PCDH15: variants seen among roughly 807,000 people sequenced by gnomAD.
The protein encoded by PCDH15 is protocadherin related 15, also known as protocadherin-15.
Under a neutral mutation model 178.5 loss-of-function variants are expected in PCDH15, and 129 were observed. That is an observed-to-expected ratio of 0.72 (90% CI 0.63 to 0.84). PCDH15 has a LOEUF of 0.84. Among genes scored for constraint, PCDH15 ranks in the 40% least tolerant of loss-of-function variants. PCDH15 has a pLI of 0.00. For missense variants in PCDH15, 2,230 were observed against 2,099.9 expected (o/e 1.06, Z -1.21); for synonymous variants, 800 against 732.0 (o/e 1.09, Z -1.50).
chr10:55,459,574 T>C (rs933273509), intron 2 of PCDH15, among the ~76,000 whole-genome samples: 2 of 152,016 alleles, frequency 1.3e-5, no homozygotes, highest in Non-Finnish European at 2.9e-5. Context: ...TGGGAAGAAG[T>C]GATTGGAACA....
chr10:55,346,966 G>A (rs867618329), intron 2 of PCDH15, among the ~76,000 whole-genome samples: 2 of 152,026 alleles, frequency 1.3e-5, no homozygotes, highest in South Asian at 2.1e-4. Context: ...TGTAATCCCA[G>A]CACTTTGGGG....
In PCDH15 at chr10:54,007,230, C is replaced by A. The variant is rs1057053193; in HGVS notation, c.2752-11465G>T. ...ACTTAGTTTGTAAGGCTAGTTATCA[C>A]TCTGGATCTTTTAAAATTGTTTAGA... On this transcript the variant is annotated intron_variant, in intron 20 of 37. Transcript: ENST00000644397. Among the ~76,000 whole-genome samples, 26 of 152,176 alleles carry A rather than the reference C, an allele frequency of 1.7e-4. 1 individual carries two copies. Among genetic ancestry groups the A allele is most frequent in the Non-Finnish European group, 5.9e-5 (4 of 68,044 alleles).
At chr10:55,109,178 T>G (rs2132054111) in intron 2 of PCDH15, among the ~76,000 whole-genome samples, 1 of 152,368 alleles carries the variant, frequency 6.6e-6, no homozygotes, top group East Asian at 1.9e-4. Context: ...AGATTTATGC[T>G]AATTAAAATA....
At chr10:55,173,758 T>C (rs773643338) in intron 1 of PCDH15, among the ~76,000 whole-genome samples, 2 of 152,162 alleles carry the variant, frequency 1.3e-5, no homozygotes, top group Non-Finnish European at 2.9e-5. Flanking sequence ...GAAATGTTTA[T>C]ATGTTAAAAA....
chr10:54,683,945 G>C (rs2135699716), intron 1 of PCDH15, among the ~76,000 whole-genome samples: 1 of 151,984 alleles, frequency 6.6e-6, no homozygotes, highest in East Asian at 1.9e-4. Flanking sequence ...GCACAAGACA[G>C]AAACTTTTCC....
chr10:54,639,487 T>C (rs531339323), intron 2 of PCDH15, among the ~76,000 whole-genome samples: 2 of 152,248 alleles, frequency 1.3e-5, no homozygotes, highest in South Asian at 4.1e-4. Context: ...AACTACATTC[T>C]AAAATTCATG....
intron 2 of PCDH15, among the ~76,000 whole-genome samples, chr10:55,624,874 G>C (rs954679063): frequency 6.6e-6 from 1 of 152,046 alleles, no homozygotes; most frequent in Non-Finnish European, 1.5e-5. Flanking sequence ...TTACCTTTGT[G>C]AAGTTTTATT....
intron 2 of PCDH15, among the ~76,000 whole-genome samples, chr10:55,429,640 C>A (rs934261243): frequency 6.6e-6 from 1 of 152,084 alleles, no homozygotes; most frequent in Non-Finnish European, 1.5e-5. Flanking sequence ...GGGAATTTGC[C>A]TTTTACTGAT....
At chr10:55,454,270 C>T (rs1467183406) in intron 2 of PCDH15, among the ~76,000 whole-genome samples, 1 of 152,010 alleles carries the variant, frequency 6.6e-6, no homozygotes, top group African/African-American at 2.4e-5. Flanking sequence ...TTAAGAATTG[C>T]TTAGCAAAGT....
Position 54,415,717 on chromosome 10 carries a change from AT to A in PCDH15, c.158-36776del, listed in dbSNP as rs554489972. 8.6e-4 allele frequency among the ~76,000 whole-genome samples: 131 copies of A among 152,230 alleles called. 1 individual carries two copies. The highest frequency in any genetic ancestry group is 1.6e-3 in the Admixed American group (25 of 15,278). Reference sequence around the variant, plus strand: ...GCCACTAGGGATGATATAAAGGTAAATTTAGTGTGACAGACAAACAATGAAA... The same window carrying A: ...GCCACTAGGGATGATATAAAGGTAAATTAGTGTGACAGACAAACAATGAAA... On this transcript the variant is annotated intron_variant, in intron 3 of 37. Transcript: ENST00000644397.
intron 2 of PCDH15, among the ~76,000 whole-genome samples, chr10:54,612,745 A>T (rs2093004436): frequency 6.6e-6 from 1 of 151,814 alleles, no homozygotes; most frequent in African/African-American, 2.4e-5. Context: ...ATTGGGTAAC[A>T]ATTATACTAA....
At chr10:54,068,201 C>T (rs868007879) in intron 17 of PCDH15, among the ~76,000 whole-genome samples, 21 of 152,034 alleles carry the variant, frequency 1.4e-4, no homozygotes, top group African/African-American at 5.1e-4. Flanking sequence ...TAACTTTATC[C>T]CAAGCCTCTA....
intron 2 of PCDH15, among the ~76,000 whole-genome samples, chr10:54,663,107 A>C (rs1488872055): frequency 1.3e-5 from 2 of 151,982 alleles, no homozygotes; most frequent in Admixed American, 1.3e-4. Context: ...AAAGAAGTTT[A>C]TCTCTCACAT....
chr10:54,053,735 T>C lies in PCDH15; in HGVS notation c.2220+13022A>G, dbSNP rs1008598695. Among the ~76,000 whole-genome samples the C allele has an allele frequency of 2.6e-5, 4 of 152,176 alleles. No homozygotes were observed. In the East Asian group the frequency reaches 5.8e-4, roughly 22 times the overall value. On this transcript the variant is annotated intron_variant, in intron 18 of 37. Transcript: ENST00000644397. ...AAGTAATAGTGTGAGGTGGGTACTGTGTTTTGTTTGTTCTGTGGGTAATAA... is the reference window on the plus strand; with the variant it reads ...AAGTAATAGTGTGAGGTGGGTACTGCGTTTTGTTTGTTCTGTGGGTAATAA...
chr10:54,450,243 A>G (rs1419985314), intron 3 of PCDH15, among the ~76,000 whole-genome samples: 2 of 150,046 alleles, frequency 1.3e-5, no homozygotes, highest in Non-Finnish European at 3.0e-5. Flanking sequence ...TGCTGCACCC[A>G]TTAACTCGTC....
At chr10:55,194,902 T>A (rs1840042916) in intron 1 of PCDH15, among the ~76,000 whole-genome samples, 1 of 152,086 alleles carries the variant, frequency 6.6e-6, no homozygotes, top group African/African-American at 2.4e-5. Context: ...TATATACAAT[T>A]CAACATATGT....
At chr10:54,879,806 A>C (rs1427367945) in intron 3 of PCDH15, among the ~76,000 whole-genome samples, 1 of 151,944 alleles carries the variant, frequency 6.6e-6, no homozygotes, top group Non-Finnish European at 1.5e-5. Flanking sequence ...ATATTAACAT[A>C]TTGATCTTAA....
At position 55,349,435 on chromosome 10, in the gene PCDH15, C is replaced by A. The variant is rs1222948002; in HGVS notation, c.-155-182784G>T. Among the ~76,000 whole-genome samples the A allele has an allele frequency of 2.0e-5, 3 of 152,188 alleles. No homozygotes were observed. The East Asian group carries it at 5.8e-4, about 29-fold the overall frequency. ...TATTCACATCCTGTATCTTAATGACCATTTTTCTCTTGCCAGTTACAAAAT... is the reference window on the plus strand; with the variant it reads ...TATTCACATCCTGTATCTTAATGACAATTTTTCTCTTGCCAGTTACAAAAT... On this transcript the variant is annotated intron_variant, in intron 2 of 5. Coordinates refer to the PCDH15 transcript ENST00000613346.
At chr10:54,854,820 G>C (rs1244615830) in intron 3 of PCDH15, among the ~76,000 whole-genome samples, 1 of 152,164 alleles carries the variant, frequency 6.6e-6, no homozygotes, top group East Asian at 1.9e-4. Flanking sequence ...CTGGTCTGCA[G>C]AACTGGAGCC....
Sources: gnomAD v4.1 joint callset for allele counts (sites outside exome capture counted in the v4.1 genomes callset) on GRCh38, gnomAD v4.1.1 for gene constraint, MANE v1.5 for transcripts, NCBI Gene and HGNC (gene_info 2026-07-23, HGNC 2026-07-21) for gene names.